PPP1R14C: variants seen among roughly 807,000 people sequenced by gnomAD.
PPP1R14C encodes the protein protein phosphatase 1 regulatory inhibitor subunit 14C, also known as protein phosphatase 1 regulatory subunit 14C.
A neutral mutation model predicts 20.4 loss-of-function variants in PPP1R14C; 16 were observed. That is an observed-to-expected ratio of 0.78 (90% CI 0.53 to 1.19). The LOEUF (loss-of-function observed/expected upper bound fraction) is 1.19, where lower values mean the gene tolerates loss of function less well. Ranked by LOEUF, PPP1R14C falls within the 50% of genes most tolerant of loss-of-function variation. The probability of loss-of-function intolerance (pLI) is 0.00; values close to 1 mark genes in which losing one functional copy is unlikely to be tolerated. For missense variants in PPP1R14C, 211 were observed against 220.1 expected (o/e 0.96, Z 0.26); for synonymous variants, 91 against 91.0 (o/e 1.00, Z 0.00).
intron 3 of PPP1R14C, among the ~76,000 whole-genome samples, chr6:150,237,565 T>C (rs938166662): frequency 3.3e-4 from 50 of 152,180 alleles, no homozygotes; most frequent in Non-Finnish European, 1.3e-4. Flanking sequence ...CTGATGATGA[T>C]GATGATAACG....
chr6:150,191,032 T>A (rs963590524), intron 1 of PPP1R14C, among the ~76,000 whole-genome samples: 2 of 152,164 alleles, frequency 1.3e-5, no homozygotes, highest in African/African-American at 4.8e-5. Flanking sequence ...CCCCTACTTC[T>A]TTGCCCTTCA....
chr6:150,165,559 A>G (rs1777413706), intron 1 of PPP1R14C, among the ~76,000 whole-genome samples: 1 of 152,266 alleles, frequency 6.6e-6, no homozygotes, highest in South Asian at 2.1e-4. Context: ...TGTGGCAGGC[A>G]TAAAGTAGAA....
chr6:150,162,845 T>C (rs1343172159), intron 1 of PPP1R14C, among the ~76,000 whole-genome samples: 3 of 152,084 alleles, frequency 2.0e-5, no homozygotes, highest in Non-Finnish European at 2.9e-5. Context: ...AAAATAAAGC[T>C]AATAGGATAA....
At chr6:150,203,742 C>T (rs930069246) in intron 1 of PPP1R14C, among the ~76,000 whole-genome samples, 13 of 152,232 alleles carry the variant, frequency 8.5e-5, no homozygotes, top group Admixed American at 2.6e-4. Flanking sequence ...ATTCCATCAT[C>T]GGGTAATTTG....
At chr6:150,234,839 ACT>A (rs1413036120) in intron 3 of PPP1R14C, among the ~76,000 whole-genome samples, 1 of 122,684 alleles carries the variant, frequency 8.2e-6, no homozygotes, top group Non-Finnish European at 1.6e-5. Flanking sequence ...ACAAAGTGAG[ACT>A]CTGTCTCAAA....
At chr6:150,247,856 A>T (rs2114936945) in intron 3 of PPP1R14C, among the ~76,000 whole-genome samples, 1 of 152,360 alleles carries the variant, frequency 6.6e-6, no homozygotes, top group South Asian at 2.1e-4. Flanking sequence ...GGTGGGTCCC[A>T]GCACTGTGTG....
At chr6:150,160,256 CTTTTTTTT>C (rs535189665) in intron 1 of PPP1R14C, among the ~76,000 whole-genome samples, 1 of 100,890 alleles carries the variant, frequency 9.9e-6, no homozygotes, top group Non-Finnish European at 1.8e-5. Flanking sequence ...GTAGCTCATT[CTTTTTTTT>C]TTTTTTTTTT....
At chr6:150,218,721 TC>T (rs1227482887) in intron 3 of PPP1R14C, among the ~76,000 whole-genome samples, 1 of 152,070 alleles carries the variant, frequency 6.6e-6, no homozygotes, top group East Asian at 1.9e-4. Flanking sequence ...CAATCATAAC[TC>T]CCTGCAGCCT....
intron 3 of PPP1R14C, among the ~76,000 whole-genome samples, chr6:150,222,405 C>T (rs1241250262): frequency 6.6e-6 from 1 of 152,202 alleles, no homozygotes; most frequent in Non-Finnish European, 1.5e-5. Flanking sequence ...TCACCATCTC[C>T]TCACAGAGAG....
At chr6:150,210,096 C>T (rs1315732960) in intron 1 of PPP1R14C, among the ~76,000 whole-genome samples, 1 of 152,130 alleles carries the variant, frequency 6.6e-6, no homozygotes, top group Non-Finnish European at 1.5e-5. Context: ...CATCCTGGTA[C>T]CTGAGCCTGT....
intron 3 of PPP1R14C, among the ~76,000 whole-genome samples, chr6:150,221,856 T>G (rs1778171177): frequency 6.6e-6 from 1 of 152,168 alleles, no homozygotes; most frequent in South Asian, 2.1e-4. Flanking sequence ...TGCAGCGTGG[T>G]GGCACAATCT....
At chr6:150,235,150 C>T (rs1200241658) in intron 3 of PPP1R14C, among the ~76,000 whole-genome samples, 13 of 152,300 alleles carry the variant, frequency 8.5e-5, no homozygotes, top group African/African-American at 2.4e-4. Context: ...TGCAGGAGCA[C>T]GATCATAGCT....
intron 3 of PPP1R14C, among the ~76,000 whole-genome samples, chr6:150,217,086 T>TTAGA (rs1324477377): frequency 4.6e-5 from 7 of 152,232 alleles, no homozygotes; most frequent in Admixed American, 4.6e-4. Flanking sequence ...GTTGCTTGTG[T>TTAGA]TAGATAAAAG....
At chr6:150,238,370 G>C (rs2114930006) in intron 3 of PPP1R14C, among the ~76,000 whole-genome samples, 1 of 152,350 alleles carries the variant, frequency 6.6e-6, no homozygotes, top group East Asian at 1.9e-4. Context: ...AGTGATGGGG[G>C]AAGGAGAGAG....
chr6:150,204,195 C>T (rs560310767), intron 1 of PPP1R14C, among the ~76,000 whole-genome samples: 2 of 152,336 alleles, frequency 1.3e-5, no homozygotes, highest in East Asian at 1.9e-4. Flanking sequence ...AGAAGATTGT[C>T]CTTGCCATCT....
intron 1 of PPP1R14C, among the ~76,000 whole-genome samples, chr6:150,169,237 T>C (rs1777471687): frequency 6.6e-6 from 1 of 152,282 alleles, no homozygotes; most frequent in African/African-American, 2.4e-5. Flanking sequence ...CCTTCCATTA[T>C]AGTTAGAGGT....
At chr6:150,216,921 T>C in intron 3 of PPP1R14C, 65 bp downstream of exon 3, 1 of 1,346,894 alleles carries the variant, frequency 7.4e-7, no homozygotes, top group South Asian at 1.3e-5. Context: ...ATTTGTCTAT[T>C]TTTAAAGCAA....
At chr6:150,222,970 T>C (rs1184979913) in intron 3 of PPP1R14C, among the ~76,000 whole-genome samples, 1 of 152,012 alleles carries the variant, frequency 6.6e-6, no homozygotes, top group African/African-American at 2.4e-5. Context: ...GGTTTCACCA[T>C]GTTGGCAAGG....
chr6:150,152,087 T>A (rs1181154397), intron 1 of PPP1R14C, among the ~76,000 whole-genome samples: 3 of 129,302 alleles, frequency 2.3e-5, no homozygotes, highest in Non-Finnish European at 4.7e-5. Flanking sequence ...GCCAATGCAC[T>A]CCAGCCTGGG....
Sources: gnomAD v4.1 joint callset for allele counts (sites outside exome capture counted in the v4.1 genomes callset) on GRCh38, gnomAD v4.1.1 for gene constraint, MANE v1.5 for transcripts, NCBI Gene and HGNC (gene_info 2026-07-23, HGNC 2026-07-21) for gene names.